TTC6: variants seen among roughly 807,000 people sequenced by gnomAD.
TTC6 encodes tetratricopeptide repeat domain 6, also known as tetratricopeptide repeat protein 6.
A neutral mutation model predicts 210.4 loss-of-function variants in TTC6; 172 were observed. The ratio of observed to expected loss-of-function variants is 0.82; its 90% CI spans 0.72 to 0.93. TTC6 has a LOEUF of 0.93. Ranked by LOEUF, TTC6 falls within the 40% of genes least tolerant of loss-of-function variation. TTC6 has a pLI of 0.00. For synonymous variants in TTC6, 804 were observed against 819.6 expected (o/e 0.98, Z 0.32); for missense variants, 2,414 against 2,318.1 (o/e 1.04, Z -0.85).
exon 11 of TTC6, chr14:37,749,161 T>C (rs2139019674): frequency 6.5e-7 from 1 of 1,535,260 alleles, no homozygotes; most frequent in East Asian, 2.4e-5. Context: ...AGAAAGATGA[T>C]AAAATATCAG....
At chr14:37,790,225 G>A (rs1201555437) in intron 15 of TTC6, among the ~76,000 whole-genome samples, 1 of 152,022 alleles carries the variant, frequency 6.6e-6, no homozygotes, top group African/African-American at 2.4e-5. Context: ...GTCCATCCCG[G>A]TTTGTGTGTG....
intron 29 of TTC6, among the ~76,000 whole-genome samples, chr14:37,838,530 C>T (rs553976817): frequency 4.6e-5 from 7 of 152,270 alleles, no homozygotes; most frequent in African/African-American, 1.4e-4. Flanking sequence ...GATATTTCCT[C>T]TCTCTTTTTT....
intron 26 of TTC6, 66 bp from the exon 29 acceptor site, chr14:37,823,681 A>G (rs2096163355): frequency 2.8e-6 from 4 of 1,409,040 alleles, no homozygotes; most frequent in South Asian, 1.2e-5. Context: ...TTATAGGAAA[A>G]CATTGTATAT....
At chr14:37,660,141 A>G (rs2095734240) in intron 1 of TTC6, among the ~76,000 whole-genome samples, 2 of 151,950 alleles carry the variant, frequency 1.3e-5, no homozygotes, top group South Asian at 2.1e-4. Flanking sequence ...TTTGGCTGCA[A>G]TTACTTTTGG....
At chr14:37,714,872 C>A in intron 6 of TTC6, 76 bp downstream of exon 8, 1 of 1,385,558 alleles carries the variant, frequency 7.2e-7, no homozygotes. Context: ...AGACTTTTTT[C>A]ACTCTTAAAA....
At chr14:37,654,535 G>GTA (rs2139435202) in intron 1 of TTC6, among the ~76,000 whole-genome samples, 1 of 152,098 alleles carries the variant, frequency 6.6e-6, no homozygotes, top group African/African-American at 2.4e-5. Context: ...TATGCTTCCT[G>GTA]TACAGCCTGC....
chr14:37,796,148 A>AT (rs2096092197), intron 18 of TTC6, 146 bp from the exon 21 acceptor site: 1 of 376,308 alleles, frequency 2.7e-6, no homozygotes, highest in Non-Finnish European at 4.9e-6. Flanking sequence ...GTTTATATAA[A>AT]ATGTCTATAA....
At chr14:37,739,367 A>C (rs1370437722) in intron 10 of TTC6, among the ~76,000 whole-genome samples, 1 of 151,886 alleles carries the variant, frequency 6.6e-6, no homozygotes, top group Non-Finnish European at 1.5e-5. Flanking sequence ...AACTGAAGTC[A>C]GGAGTTCAAG....
At chr14:37,826,532 A>G (rs775295760) in intron 28 of TTC6, among the ~76,000 whole-genome samples, 185 bp downstream of exon 30, 3 of 152,066 alleles carry the variant, frequency 2.0e-5, no homozygotes, top group Non-Finnish European at 2.9e-5. Context: ...TATAACTGAA[A>G]TGCACTAAAA....
intron 14 of TTC6, among the ~76,000 whole-genome samples, chr14:37,785,580 G>T (rs2096065617): frequency 6.6e-6 from 1 of 152,192 alleles, no homozygotes; most frequent in South Asian, 2.1e-4. Context: ...CTTTAGCTCA[G>T]AGAAGTTTGT....
At chr14:37,690,129 A>T (rs1028012011) in intron 3 of TTC6, among the ~76,000 whole-genome samples, 1 of 152,100 alleles carries the variant, frequency 6.6e-6, no homozygotes, top group East Asian at 1.9e-4. Flanking sequence ...TTGTGTGTTT[A>T]TGCAAACAGT....
intron 1 of TTC6, among the ~76,000 whole-genome samples, chr14:37,628,300 T>A (rs1417722095): frequency 6.6e-6 from 1 of 152,202 alleles, no homozygotes; most frequent in Non-Finnish European, 1.5e-5. Context: ...ATGATTGCCA[T>A]TCTAACTGGC....
chr14:37,729,086 A>C (rs1420986727), intron 7 of TTC6, among the ~76,000 whole-genome samples: 1 of 152,212 alleles, frequency 6.6e-6, no homozygotes, highest in African/African-American at 2.4e-5. Context: ...TTGAATATAT[A>C]TATCTTTGCA....
At chr14:37,840,156 A>G (rs1450490568) in intron 29 of TTC6, among the ~76,000 whole-genome samples, 2 of 152,222 alleles carry the variant, frequency 1.3e-5, no homozygotes. Flanking sequence ...GATAAAGGGG[A>G]TAACACCACC....
chr14:37,773,854 A>C (rs1420334228), intron 14 of TTC6, among the ~76,000 whole-genome samples: 1 of 152,140 alleles, frequency 6.6e-6, no homozygotes, highest in Non-Finnish European at 1.5e-5. Flanking sequence ...GGGCAGTATG[A>C]CCATTTTAAC....
upstream of TTC6, among the ~76,000 whole-genome samples, chr14:37,619,568 T>G (rs2095648061): frequency 1.3e-5 from 2 of 152,188 alleles, no homozygotes; most frequent in Admixed American, 1.3e-4. Context: ...CAAATAGTTG[T>G]CCAGTTGTCT....
chr14:37,795,142 C>T, intron 17 of TTC6, 128 bp from the exon 20 acceptor site: 2 of 493,154 alleles, frequency 4.1e-6, no homozygotes, highest in South Asian at 4.3e-5. Flanking sequence ...TTTGTAGATT[C>T]TTAAGAAAAA....
chr14:37,690,646 C>T (rs2095801897), intron 3 of TTC6, among the ~76,000 whole-genome samples: 1 of 152,074 alleles, frequency 6.6e-6, no homozygotes, highest in Non-Finnish European at 1.5e-5. Context: ...GGTCACTAAA[C>T]AATCATAAAC....
At chr14:37,808,803 A>G (rs2096123803) in exon 24 of TTC6, 2 of 1,534,918 alleles carry the variant, frequency 1.3e-6, no homozygotes, top group Non-Finnish European at 1.7e-6. Flanking sequence ...ACAGCATTTT[A>G]TAACAGAGCA....
Sources: gnomAD v4.1 joint callset for allele counts (sites outside exome capture counted in the v4.1 genomes callset) on GRCh38, gnomAD v4.1.1 for gene constraint, MANE v1.5 for transcripts, NCBI Gene and HGNC (gene_info 2026-07-23, HGNC 2026-07-21) for gene names.